The following LARGE1 variants were observed in gnomAD, a reference collection of about 807,000 sequenced individuals.
LARGE1 encodes xylosyl- and glucuronyltransferase LARGE1.
A neutral mutation model predicts 87.6 loss-of-function variants in LARGE1; 43 were observed. The observed-to-expected ratio is 0.49, with a 90% CI of 0.38 to 0.63. The LOEUF (loss-of-function observed/expected upper bound fraction) is 0.63, where lower values mean the gene tolerates loss of function less well. LARGE1 is among the 30% of genes least tolerant of loss of function. The pLI is 0.00. For synonymous variants in LARGE1, 434 were observed against 394.6 expected, an observed-to-expected ratio of 1.10 and a Z score of -1.18; for missense variants, 802 against 1,000.2, an observed-to-expected ratio of 0.80 and a Z score of 2.67.
intron 11 of LARGE1, among the ~76,000 whole-genome samples, chr22:33,252,815 A>G (rs1927071828): frequency 6.6e-6 from 1 of 152,230 alleles, no homozygotes; most frequent in Admixed American, 6.5e-5. Context: ...CTTAAAGAAC[A>G]GAATTTAGGA....
chr22:33,356,055 T>G (rs975386725), intron 9 of LARGE1, among the ~76,000 whole-genome samples: 14 of 152,202 alleles, frequency 9.2e-5, no homozygotes, highest in Non-Finnish European at 1.8e-4. Flanking sequence ...TTCCCCATTT[T>G]AAATAAGTCC....
At chr22:33,287,711 T>C (rs1931799387) in intron 12 of LARGE1, among the ~76,000 whole-genome samples, 2 of 152,198 alleles carry the variant, frequency 1.3e-5, no homozygotes, top group South Asian at 2.1e-4. Flanking sequence ...GAGGATAGAA[T>C]GCAGAGTCTT....
intron 10 of LARGE1, among the ~76,000 whole-genome samples, chr22:33,321,329 G>T (rs1936690854): frequency 1.3e-5 from 2 of 152,214 alleles, no homozygotes; most frequent in African/African-American, 2.4e-5. Context: ...GGGATGGTAG[G>T]GGCTGGATGA....
At chr22:33,896,323 G>C (rs2146864494) in intron 1 of LARGE1, among the ~76,000 whole-genome samples, 1 of 152,294 alleles carries the variant, frequency 6.6e-6, no homozygotes, top group South Asian at 2.1e-4. Flanking sequence ...ATGGTGTTTA[G>C]CCTTTCCACT....
At chr22:33,520,933 G>A (rs1187955370) in intron 6 of LARGE1, among the ~76,000 whole-genome samples, 1 of 152,196 alleles carries the variant, frequency 6.6e-6, no homozygotes, top group Non-Finnish European at 1.5e-5. Context: ...ATAAAAATAA[G>A]TAGTAATTTG....
chr22:33,338,161 C>A (rs1339086201), intron 9 of LARGE1, among the ~76,000 whole-genome samples: 1 of 152,128 alleles, frequency 6.6e-6, no homozygotes, highest in Non-Finnish European at 1.5e-5. Context: ...TGCTTGGCCA[C>A]CTGCTGCCTG....
At position 33,396,372 on chromosome 22, in the gene LARGE1, A is replaced by C. The variant is rs186538304; in HGVS notation, c.893-12068T>G. ...ACTCACTTTTGATCATATAAATGAA[A>C]AGGTTCTGTAATCCAGCTTTTGCTT... is the stretch of plus-strand genomic sequence containing the variant. On this transcript the variant is annotated intron_variant, in intron 7 of 14. Transcript: ENST00000397394. Among the ~76,000 whole-genome samples the C allele has an allele frequency of 3.7e-3, 568 of 152,256 alleles. 1 individual carries two copies. Among genetic ancestry groups the C allele is most frequent in the Non-Finnish European group, 4.6e-3 (315 of 68,022 alleles).
At chr22:33,370,785 TTAA>T (rs1237377640) in intron 9 of LARGE1, among the ~76,000 whole-genome samples, 7 of 150,184 alleles carry the variant, frequency 4.7e-5, no homozygotes, top group African/African-American at 1.5e-4. Flanking sequence ...ATTATAAATA[TTAA>T]TATTATCAAA....
At chr22:33,130,313 C>CCAAAAAAAAAAAAAAA in the LARGE1 span, among the ~76,000 whole-genome samples, 1 of 57,036 alleles carries the variant, frequency 1.8e-5, no homozygotes, top group Non-Finnish European at 3.0e-5. Flanking sequence ...GATTCCGTCT[C>CCAAAAAAAAAAAAAAA]AAAAAAAAAA....
intron 10 of LARGE1, among the ~76,000 whole-genome samples, chr22:33,328,142 T>C (rs1937403076): frequency 6.6e-6 from 1 of 152,166 alleles, no homozygotes; most frequent in Non-Finnish European, 1.5e-5. Context: ...TGCTGGGGTA[T>C]GGGACAGGCA....
chr22:33,115,131 C>A, the LARGE1 span, among the ~76,000 whole-genome samples: 86 of 152,232 alleles, frequency 5.6e-4, no homozygotes, highest in African/African-American at 2.0e-3. Flanking sequence ...CTAAATTGTG[C>A]CTCTCACCCA....
intron 11 of LARGE1, among the ~76,000 whole-genome samples, chr22:33,309,341 ATT>A (rs1245702346): frequency 6.6e-6 from 1 of 152,006 alleles, no homozygotes; most frequent in East Asian, 1.9e-4. Flanking sequence ...TAAGTTTTCT[ATT>A]TTTAGTAGAG....
At chr22:33,099,224 G>A in the LARGE1 span, among the ~76,000 whole-genome samples, 1 of 151,026 alleles carries the variant, frequency 6.6e-6, no homozygotes, top group South Asian at 2.1e-4. Flanking sequence ...TAGCTATGGA[G>A]TGTGGAAGAG....
At chr22:33,329,977 AT>A (rs1937537863) in intron 10 of LARGE1, among the ~76,000 whole-genome samples, 1 of 151,646 alleles carries the variant, frequency 6.6e-6, no homozygotes, top group Admixed American at 6.6e-5. Context: ...AAGGATCCTT[AT>A]TTCCTTATGT....
chr22:33,531,028 G>A lies in LARGE1; in HGVS notation c.787+33820C>T, dbSNP rs138587218. 1.2e-4 allele frequency among the ~76,000 whole-genome samples: 19 copies of A among 152,310 alleles called. No homozygotes were observed. The East Asian group carries it at 2.1e-3, about 17-fold the overall frequency. ...CATCTTCACACTAACAGATGTGAGA[G>A]TCTTGGTGACTGACTTGCCCTAATT... On this transcript the variant is annotated intron_variant, in intron 6 of 14. Coordinates refer to ENST00000397394, the MANE Select transcript of LARGE1 (RefSeq NM_133642.5).
chr22:33,818,167 G>A, intron 1 of LARGE1, among the ~76,000 whole-genome samples: 1 of 152,162 alleles, frequency 6.6e-6, no homozygotes, highest in African/African-American at 2.4e-5. Context: ...TTCTCATAGG[G>A]CTTCTTGAGA....
intron 1 of LARGE1, among the ~76,000 whole-genome samples, chr22:33,777,283 C>A (rs1170806708): frequency 1.3e-5 from 2 of 152,102 alleles, no homozygotes; most frequent in Non-Finnish European, 2.9e-5. Context: ...TCTGAACTTC[C>A]TTCCACAGTC....
At chr22:33,299,502 C>CA (rs915835843) in intron 12 of LARGE1, among the ~76,000 whole-genome samples, 2 of 151,336 alleles carry the variant, frequency 1.3e-5, no homozygotes, top group Admixed American at 6.6e-5. Context: ...TTTCAGAAAG[C>CA]AAAAAAATTG....
intron 1 of LARGE1, among the ~76,000 whole-genome samples, 172 bp from the exon 2 acceptor site, chr22:33,761,730 CAATA>C (rs1422453044): frequency 1.3e-5 from 2 of 151,142 alleles, no homozygotes; most frequent in Non-Finnish European, 2.9e-5. Context: ...AAAACTGAGA[CAATA>C]AATAAATAAG....
Sources: allele counts gnomAD v4.1 joint callset (sites outside exome capture counted in the v4.1 genomes callset), GRCh38; gene constraint gnomAD v4.1.1; transcripts MANE v1.5; gene names NCBI Gene and HGNC (gene_info 2026-07-23, HGNC 2026-07-21).